ALMS1: variants seen among roughly 807,000 people sequenced by gnomAD.
The protein encoded by ALMS1 is ALMS1 centrosome and basal body associated protein.
A neutral mutation model predicts 352.2 loss-of-function variants in ALMS1; 271 were observed. The ratio of observed to expected loss-of-function variants is 0.77; its 90% CI spans 0.70 to 0.85. ALMS1 has a LOEUF of 0.85. Among genes scored for constraint, ALMS1 ranks in the 40% least tolerant of loss-of-function variants. The pLI, the probability that ALMS1 is intolerant of heterozygous loss-of-function variation, is 0.00. For missense variants in ALMS1, 5,445 were observed against 4,870.7 expected (o/e 1.12, Z -3.51); for synonymous variants, 1,865 against 1,761.2 (o/e 1.06, Z -1.48).
chr2:73,418,818 A>C (rs1015346194), intron 2 of ALMS1, among the ~76,000 whole-genome samples: 2 of 152,050 alleles, frequency 1.3e-5, no homozygotes, highest in Non-Finnish European at 2.9e-5. Flanking sequence ...CTTAATATCT[A>C]CCTCTCTGAA....
intron 7 of ALMS1, among the ~76,000 whole-genome samples, chr2:73,439,094 T>G (rs1025279913): frequency 6.6e-6 from 1 of 150,518 alleles, no homozygotes; most frequent in African/African-American, 2.5e-5. Flanking sequence ...TCTTTCTTCT[T>G]TCTTTTTCTC....
At position 73,385,984 on chromosome 2, in the gene ALMS1, A is replaced by G. The variant is rs1334797627; in HGVS notation, c.116A>G (p.Asp39Gly). The G allele has an allele frequency of 2.6e-6, 4 of 1,549,034 alleles. No individual in the cohort carries two copies. In the African/African-American group the frequency reaches 4.1e-5, roughly 16 times the overall value. The change falls in exon 1 of 23, where the codon GAC becomes GGC. Residue 39 changes from aspartate (D) to glycine (G), a missense_variant. Physicochemically the swap from Asp to Gly is moderately conservative, Grantham distance 94. Transcript: ENST00000613296. ...AAAAAAANVDDVVVVEEVEEE... is the reference protein window; with the variant it reads ...AAAAAAANVDGVVVVEEVEEE... ...GCGGCGGCGGCGGCGAACGTGGACG[A>G]CGTAGTGGTCGTGGAGGAGGTGGAG...
intron 15 of ALMS1, among the ~76,000 whole-genome samples, chr2:73,567,107 C>A (rs973471861): frequency 6.6e-6 from 1 of 152,154 alleles, no homozygotes; most frequent in Non-Finnish European, 1.5e-5. Context: ...TTGATTAAAT[C>A]ATTGGCCATT....
intron 2 of ALMS1, among the ~76,000 whole-genome samples, chr2:73,418,520 C>T (rs745327524): frequency 1.3e-5 from 2 of 152,208 alleles, no homozygotes; most frequent in African/African-American, 2.4e-5. Context: ...TGGCTGAAGG[C>T]CCGGCTCAAC....
chr2:73,437,850 C>T (rs187036574), intron 7 of ALMS1, among the ~76,000 whole-genome samples: 10 of 152,278 alleles, frequency 6.6e-5, no homozygotes, highest in Admixed American at 2.6e-4. Flanking sequence ...CTTCTATCAA[C>T]GAGACCAACT....
intron 11 of ALMS1, among the ~76,000 whole-genome samples, chr2:73,533,731 A>G (rs1272508642): frequency 6.6e-6 from 1 of 152,222 alleles, no homozygotes; most frequent in African/African-American, 2.4e-5. Flanking sequence ...AAATGTCCAT[A>G]ATAGTAAGAT....
chr2:73,441,858 A>G (rs1282452320), intron 7 of ALMS1, among the ~76,000 whole-genome samples: 1 of 152,216 alleles, frequency 6.6e-6, no homozygotes, highest in Non-Finnish European at 1.5e-5. Flanking sequence ...CCAGAAGACA[A>G]CTGGAGTTTT....
chr2:73,516,989 T>C (rs1388336897), intron 10 of ALMS1, among the ~76,000 whole-genome samples: 2 of 152,094 alleles, frequency 1.3e-5, no homozygotes, highest in East Asian at 3.9e-4. Flanking sequence ...TGGTTTCTTA[T>C]AGTGCCATGA....
chr2:73,494,239 A>G (rs913411616), intron 10 of ALMS1, among the ~76,000 whole-genome samples: 1 of 152,154 alleles, frequency 6.6e-6, no homozygotes, highest in Non-Finnish European at 1.5e-5. Flanking sequence ...CATTCTCTTC[A>G]GTAGAAATGA....
intron 6 of ALMS1, among the ~76,000 whole-genome samples, chr2:73,429,448 A>AT (rs1288570015): frequency 6.6e-6 from 1 of 151,616 alleles, no homozygotes; most frequent in African/African-American, 2.4e-5. Context: ...TGCCTGGCTA[A>AT]TTTTTTGTCT....
chr2:73,388,172 C>G (rs1670576744), intron 1 of ALMS1, among the ~76,000 whole-genome samples: 1 of 152,202 alleles, frequency 6.6e-6, no homozygotes. Flanking sequence ...CACTTGTTGA[C>G]TAGGTCTTCT....
intron 15 of ALMS1, among the ~76,000 whole-genome samples, chr2:73,565,024 C>CA (rs1674773746): frequency 6.6e-6 from 1 of 152,196 alleles, no homozygotes; most frequent in Non-Finnish European, 1.5e-5. Flanking sequence ...ATTGCAGACT[C>CA]ACATGCCTTT....
At chr2:73,542,321 C>T (rs959498769) in intron 12 of ALMS1, among the ~76,000 whole-genome samples, 12 of 152,142 alleles carry the variant, frequency 7.9e-5, no homozygotes, top group South Asian at 2.1e-4. Context: ...TTCAACAACC[C>T]TTCATGCTAA....
rs186262426 is a variant in ALMS1, at chr2:73,423,017, C to T, written c.764+43C>T. 4.6e-5 allele frequency: 70 copies of T among 1,519,946 alleles called. No individual in the cohort carries two copies. In the East Asian group the frequency reaches 1.6e-3, roughly 34 times the overall value. 94.2% of individuals were successfully genotyped at this position (1,519,946 alleles called of 1,614,324 possible). A position where few individuals can be genotyped will look rare whatever the true frequency, so the allele number is the denominator to read the frequency against. ...CATGTAACCTTTCTCACTTCTTGTT[C>T]TATGTTTTTACTAATATTAGTGACT... is the stretch of plus-strand genomic sequence containing the variant. On this transcript the variant is annotated intron_variant, in intron 4 of 22. Transcript: ENST00000613296.
At chr2:73,533,790 A>G (rs1673971560) in intron 11 of ALMS1, among the ~76,000 whole-genome samples, 1 of 152,244 alleles carries the variant, frequency 6.6e-6, no homozygotes, top group African/African-American at 2.4e-5. Flanking sequence ...TTAGCAATTA[A>G]TCATTTCTTA....
chr2:73,425,215 T>C (rs1169607388), intron 5 of ALMS1, among the ~76,000 whole-genome samples: 2 of 152,146 alleles, frequency 1.3e-5, no homozygotes, highest in African/African-American at 2.4e-5. Flanking sequence ...CCAGCTGAGA[T>C]TGAGGTGAAA....
At chr2:73,582,371 G>T (rs993584956) in intron 16 of ALMS1, among the ~76,000 whole-genome samples, 1 of 151,978 alleles carries the variant, frequency 6.6e-6, no homozygotes, top group African/African-American at 2.4e-5. Context: ...AATTTCTTGT[G>T]CGTGGTAAAA....
intron 1 of ALMS1, among the ~76,000 whole-genome samples, chr2:73,401,686 T>A (rs1247476751): frequency 6.6e-6 from 1 of 152,182 alleles, no homozygotes; most frequent in African/African-American, 2.4e-5. Context: ...ACTGCCTTTT[T>A]TTTTTTGTGG....
intron 1 of ALMS1, among the ~76,000 whole-genome samples, chr2:73,392,659 A>T (rs1670674740): frequency 6.6e-6 from 1 of 152,134 alleles, no homozygotes; most frequent in Non-Finnish European, 1.5e-5. Context: ...TTCACCTGTG[A>T]TGTGGCATGT....
Sources: gnomAD v4.1 joint callset for allele counts (sites outside exome capture counted in the v4.1 genomes callset) on GRCh38, gnomAD v4.1.1 for gene constraint, MANE v1.5 for transcripts, NCBI Gene and HGNC (gene_info 2026-07-23, HGNC 2026-07-21) for gene names.